Variants in RAP1GDS1 observed in about 807,000 individuals in gnomAD.
RAP1GDS1 encodes RAP1, GTP-GDP dissociation stimulator 1.
In RAP1GDS1, 35 loss-of-function variants were observed where a neutral mutation model predicts 71.1. The observed-to-expected ratio is 0.49, with a 90% CI of 0.38 to 0.65. RAP1GDS1 has a LOEUF of 0.65. Among genes scored for constraint, RAP1GDS1 ranks in the 30% least tolerant of loss-of-function variants. The probability of loss-of-function intolerance (pLI) is 0.00; values close to 1 mark genes in which losing one functional copy is unlikely to be tolerated. For synonymous variants in RAP1GDS1, 229 were observed against 243.1 expected (o/e 0.94, Z 0.54); for missense variants, 663 against 706.1 (o/e 0.94, Z 0.69).
chr4:98,261,466 G>C lies in RAP1GDS1; in HGVS notation c.-100G>C. 1 of 1,288,706 alleles carries C rather than the reference G, an allele frequency of 7.8e-7. No individual in the cohort carries two copies. 79.8% of individuals were successfully genotyped at this position (1,288,706 alleles called of 1,614,324 possible). On this transcript the variant is annotated 5_prime_UTR_variant, in exon 1 of 15. Coordinates refer to ENST00000408927, the MANE Select transcript of RAP1GDS1 (RefSeq NM_001100427.2). ...GCCGCCCCCCGCGGGTCCCTCCCTGGCTGCGGGAGAGACGGAGGTAGAGGG... is the reference window on the plus strand; with the variant it reads ...GCCGCCCCCCGCGGGTCCCTCCCTGCCTGCGGGAGAGACGGAGGTAGAGGG...
chr4:98,330,332 G>A (rs1256669997), intron 2 of RAP1GDS1, among the ~76,000 whole-genome samples: 1 of 152,176 alleles, frequency 6.6e-6, no homozygotes, highest in Non-Finnish European at 1.5e-5. Flanking sequence ...ATGAGCTGTT[G>A]GGTACACCTC....
intron 4 of RAP1GDS1, among the ~76,000 whole-genome samples, chr4:98,355,379 TG>T (rs1400323991): frequency 6.6e-6 from 1 of 152,348 alleles, no homozygotes; most frequent in African/African-American, 2.4e-5. Context: ...GCTAATCAGT[TG>T]ATTTCCATTT....
At chr4:98,349,402 A>G (rs1366972741) in intron 3 of RAP1GDS1, among the ~76,000 whole-genome samples, 2 of 152,134 alleles carry the variant, frequency 1.3e-5, no homozygotes, top group African/African-American at 4.8e-5. Flanking sequence ...AGGTAGTGTG[A>G]TGCCTCCAGC....
intron 3 of RAP1GDS1, among the ~76,000 whole-genome samples, chr4:98,344,317 A>T (rs1302162030): frequency 1.3e-5 from 2 of 152,174 alleles, no homozygotes; most frequent in Non-Finnish European, 2.9e-5. Context: ...GTTAACCTGG[A>T]CCAACCCCTA....
At chr4:98,307,228 T>G (rs1729459956) in intron 2 of RAP1GDS1, among the ~76,000 whole-genome samples, 1 of 152,028 alleles carries the variant, frequency 6.6e-6, no homozygotes, top group South Asian at 2.1e-4. Context: ...TTAATATAAT[T>G]GCATCAGTGT....
chr4:98,351,188 G>A (rs1737132377), intron 3 of RAP1GDS1, among the ~76,000 whole-genome samples: 1 of 152,116 alleles, frequency 6.6e-6, no homozygotes, highest in Admixed American at 6.5e-5. Context: ...GTTTGATAAC[G>A]TCAATGATAA....
intron 1 of RAP1GDS1, among the ~76,000 whole-genome samples, chr4:98,280,668 T>A (rs1241415886): frequency 2.6e-5 from 4 of 152,166 alleles, no homozygotes; most frequent in Non-Finnish European, 5.9e-5. Context: ...GGTGTTTTAG[T>A]CATGAAGTCC....
rs777847998 is a variant in RAP1GDS1, at chr4:98,404,552, A to G, written c.713A>G (p.His238Arg). The G allele has an allele frequency of 2.5e-6, 4 of 1,606,294 alleles. No individual in the cohort carries two copies. The highest frequency in any genetic ancestry group is 1.3e-5 in the African/African-American group (1 of 74,460). ...LVKLFKKQIE[H>R]DKREMIFEVL... The stretch of plus-strand genomic sequence containing the variant: ...AAACTCTTCAAGAAACAAATAGAAC[A>G]TGATAAGAGAGAAATGATTTTTGAA... Residue 238 changes from histidine to arginine, a missense_variant, in exon 7 of 15, where the codon CAT becomes CGT. Coordinates refer to ENST00000408927, the MANE Select transcript of RAP1GDS1 (RefSeq NM_001100427.2).
At chr4:98,354,261 A>G (rs1292827020) in intron 4 of RAP1GDS1, among the ~76,000 whole-genome samples, 1 of 151,062 alleles carries the variant, frequency 6.6e-6, no homozygotes, top group Non-Finnish European at 1.5e-5. Flanking sequence ...ACGGGGTTTC[A>G]CCTTGTTAGC....
At chr4:98,267,980 C>A (rs988870267) in intron 1 of RAP1GDS1, among the ~76,000 whole-genome samples, 3 of 152,180 alleles carry the variant, frequency 2.0e-5, no homozygotes, top group Non-Finnish European at 4.4e-5. Context: ...TAAAAACATT[C>A]TCTTTTCTCC....
intron 3 of RAP1GDS1, among the ~76,000 whole-genome samples, chr4:98,343,809 G>A (rs985760506): frequency 1.3e-5 from 2 of 152,106 alleles, no homozygotes; most frequent in African/African-American, 4.8e-5. Flanking sequence ...TATACACTGA[G>A]AGATTCTTTG....
In RAP1GDS1 at chr4:98,436,532, G is replaced by C. The variant is rs146793682; in HGVS notation, c.1568-408G>C. Among the ~76,000 whole-genome samples, 956 of 152,290 alleles carry C rather than the reference G, an allele frequency of 6.3e-3. 9 individuals carry two copies. The highest frequency in any genetic ancestry group is 0.022 in the African/African-American group (897 of 41,552). On this transcript the variant is annotated intron_variant, in intron 13 of 14. Transcript: ENST00000408927. ...ATCTTTTATTTGTGGAGGGAATTAT[G>C]TGATTTATAGGATTTGCTCCAAAAT...
chr4:98,433,511 C>T (rs1164257074), intron 12 of RAP1GDS1, among the ~76,000 whole-genome samples: 1 of 152,066 alleles, frequency 6.6e-6, no homozygotes, highest in African/African-American at 2.4e-5. Context: ...CCAGGCTGGT[C>T]TCAAGCGATC....
intron 2 of RAP1GDS1, among the ~76,000 whole-genome samples, chr4:98,331,008 A>G (rs1733924194): frequency 6.6e-6 from 1 of 152,304 alleles, no homozygotes; most frequent in Admixed American, 6.5e-5. Context: ...CCTGGGCAAC[A>G]TTGAGCACTG....
At chr4:98,426,021 G>C (rs1178686509) in intron 12 of RAP1GDS1, among the ~76,000 whole-genome samples, 1 of 152,088 alleles carries the variant, frequency 6.6e-6, no homozygotes, top group Admixed American at 6.5e-5. Flanking sequence ...ATTATGGCAA[G>C]TACTCTCTCA....
intron 1 of RAP1GDS1, among the ~76,000 whole-genome samples, chr4:98,266,029 G>C (rs561262315): frequency 6.6e-6 from 1 of 151,960 alleles, no homozygotes; most frequent in Non-Finnish European, 1.5e-5. Context: ...AGAAAACATA[G>C]ATTTTTAAAA....
intron 4 of RAP1GDS1, among the ~76,000 whole-genome samples, chr4:98,355,736 T>G (rs975833507): frequency 6.6e-6 from 1 of 152,170 alleles, no homozygotes; most frequent in Non-Finnish European, 1.5e-5. Context: ...CTAGGTCAGA[T>G]TTCAGTTTTA....
intron 5 of RAP1GDS1, among the ~76,000 whole-genome samples, chr4:98,389,993 G>A (rs895344842): frequency 6.6e-6 from 1 of 152,070 alleles, no homozygotes; most frequent in African/African-American, 2.4e-5. Context: ...CAATGCATGC[G>A]CTAGTGCTCA....
intron 2 of RAP1GDS1, among the ~76,000 whole-genome samples, chr4:98,296,240 C>A (rs191875418): frequency 9.6e-4 from 146 of 152,114 alleles, no homozygotes; most frequent in South Asian, 1.7e-3. Context: ...GTCTATTACC[C>A]TGTTACTGGA....
Sources: gnomAD v4.1 joint callset for allele counts (sites outside exome capture counted in the v4.1 genomes callset) on GRCh38, gnomAD v4.1.1 for gene constraint, MANE v1.5 for transcripts, NCBI Gene and HGNC (gene_info 2026-07-23, HGNC 2026-07-21) for gene names.